IQCM: variants seen among roughly 807,000 people sequenced by gnomAD.
IQCM encodes the protein IQ domain-containing protein M.
IQCM carries 45 observed loss-of-function variants against 57.6 expected under a neutral mutation model. The observed-to-expected ratio is 0.78, with a 90% confidence interval of 0.62 to 1.00. The LOEUF (loss-of-function observed/expected upper bound fraction) is 1.00. IQCM is among the 50% of genes least tolerant of loss of function. The probability of loss-of-function intolerance (pLI) is 0.00; values close to 1 mark genes in which losing one functional copy is unlikely to be tolerated. For synonymous variants in IQCM, 148 were observed against 158.9 expected, an observed-to-expected ratio of 0.93 and a Z score of 0.51; for missense variants, 468 against 511.6, an observed-to-expected ratio of 0.91 and a Z score of 0.82.
Position 149,598,495 on chromosome 4 carries a change from C to A in IQCM, c.682-10498G>T, listed in dbSNP as rs553701597. 1.2e-4 allele frequency among the ~76,000 whole-genome samples: 18 copies of A among 152,104 alleles called. No homozygotes were observed. In the East Asian group the frequency reaches 3.3e-3, roughly 28 times the overall value. ...AAGAGAATTATTTTTATTTCTTCTT[C>A]TTGGGCAAATAACAAGTACAAAATG... On this transcript the variant is annotated intron_variant, in intron 8 of 13. Coordinates refer to ENST00000636793, the MANE Select transcript of IQCM (RefSeq NM_001363507.2).
intron 13 of IQCM, among the ~76,000 whole-genome samples, chr4:149,401,133 C>A (rs1732591154): frequency 6.6e-6 from 1 of 151,694 alleles, no homozygotes; most frequent in South Asian, 2.1e-4. Context: ...AAAAACCTTA[C>A]AACCAGGAGA....
chr4:149,630,564 A>T (rs1316505231), intron 7 of IQCM, among the ~76,000 whole-genome samples: 1 of 152,204 alleles, frequency 6.6e-6, no homozygotes, highest in African/African-American at 2.4e-5. Context: ...ACATAATTTG[A>T]TTTTTAAAAA....
At chr4:149,370,690 C>G (rs1730308757) in intron 13 of IQCM, among the ~76,000 whole-genome samples, 1 of 152,050 alleles carries the variant, frequency 6.6e-6, no homozygotes, top group Non-Finnish European at 1.5e-5. Context: ...GTGAACTGAC[C>G]ACCAAGTTGT....
At chr4:149,596,569 G>A (rs777688275) in intron 8 of IQCM, among the ~76,000 whole-genome samples, 4 of 152,090 alleles carry the variant, frequency 2.6e-5, no homozygotes, top group Non-Finnish European at 4.4e-5. Context: ...AAGGGCAGTA[G>A]ACTTAAGGCA....
chr4:149,749,701 A>T (rs1768255542), intron 2 of IQCM, among the ~76,000 whole-genome samples: 1 of 152,206 alleles, frequency 6.6e-6, no homozygotes, highest in South Asian at 2.1e-4. Flanking sequence ...TAAATCAGTT[A>T]CAATTTACTT....
chr4:149,586,694 A>AT (rs1561024281), intron 9 of IQCM, among the ~76,000 whole-genome samples: 1 of 151,590 alleles, frequency 6.6e-6, no homozygotes, highest in African/African-American at 2.4e-5. Flanking sequence ...TATAACTGTC[A>AT]TTTTTGGCAA....
intron 5 of IQCM, among the ~76,000 whole-genome samples, chr4:149,701,209 C>A (rs905733020): frequency 6.6e-6 from 1 of 152,070 alleles, no homozygotes; most frequent in Non-Finnish European, 1.5e-5. Context: ...GAGAAGGGAG[C>A]AGTCATTAGT....
intron 12 of IQCM, among the ~76,000 whole-genome samples, chr4:149,481,701 G>GTTTTTGTTTTTTGTTTTTTT (rs1740822174): frequency 1.4e-4 from 7 of 51,578 alleles, no homozygotes; most frequent in African/African-American, 5.3e-4. Flanking sequence ...TTCCAGTTTT[G>GTTTTTGTTTTTTGTTTTTTT]TTTTTTTTTT....
intron 13 of IQCM, among the ~76,000 whole-genome samples, chr4:149,412,915 A>G (rs1482361860): frequency 1.3e-5 from 2 of 152,160 alleles, no homozygotes; most frequent in African/African-American, 4.8e-5. Flanking sequence ...GCAAGGAGGT[A>G]GGAGAGTGGT....
chr4:149,548,193 A>G (rs1748650056), intron 12 of IQCM, among the ~76,000 whole-genome samples: 1 of 152,162 alleles, frequency 6.6e-6, no homozygotes, highest in Non-Finnish European at 1.5e-5. Context: ...AAAACTATAA[A>G]AATGAAAACC....
At chr4:149,679,939 A>T (rs1337521409) in intron 7 of IQCM, among the ~76,000 whole-genome samples, 4 of 151,446 alleles carry the variant, frequency 2.6e-5, no homozygotes, top group Admixed American at 2.6e-4. Context: ...CGAAAGACAC[A>T]AAGTGTGGAC....
intron 2 of IQCM, among the ~76,000 whole-genome samples, chr4:149,798,823 G>T (rs1467341915): frequency 6.6e-6 from 1 of 151,924 alleles, no homozygotes; most frequent in Non-Finnish European, 1.5e-5. Context: ...TTAGCATTTA[G>T]ATATAGAAAG....
chr4:149,783,686 A>C (rs1771819326), intron 2 of IQCM, among the ~76,000 whole-genome samples: 1 of 152,158 alleles, frequency 6.6e-6, no homozygotes, highest in Non-Finnish European at 1.5e-5. Context: ...GACTAGTATA[A>C]TGTTATCTCT....
chr4:149,526,860 G>C (rs1364527414), intron 12 of IQCM, among the ~76,000 whole-genome samples: 2 of 151,754 alleles, frequency 1.3e-5, no homozygotes, highest in Non-Finnish European at 2.9e-5. Flanking sequence ...TATATATTTT[G>C]CTTATTAATG....
At chr4:149,485,679 T>C (rs1461823010) in intron 12 of IQCM, among the ~76,000 whole-genome samples, 1 of 152,144 alleles carries the variant, frequency 6.6e-6, no homozygotes, top group Non-Finnish European at 1.5e-5. Context: ...TGAAAGGTCA[T>C]AGATCTCTGT....
At position 149,669,670 on chromosome 4, in the gene IQCM, G is replaced by C. The variant is rs1242763780; in HGVS notation, c.565+12448C>G. Among the ~76,000 whole-genome samples, 3 of 152,126 alleles carry C rather than the reference G, an allele frequency of 2.0e-5. No homozygotes were observed. The South Asian group carries it at 6.2e-4, about 32-fold the overall frequency. ...ATTTTTGTATAAGGTGTAAGGAAGG[G>C]ATCCAGTTTCAGCTTTCTACATATG... On this transcript the variant is annotated intron_variant, in intron 7 of 13. Transcript: ENST00000636793.
At chr4:149,469,131 C>T (rs549507021) in intron 12 of IQCM, among the ~76,000 whole-genome samples, 4 of 152,254 alleles carry the variant, frequency 2.6e-5, no homozygotes, top group South Asian at 2.1e-4. Context: ...ATGACTTCAA[C>T]GAGTTGAGAG....
chr4:149,461,356 G>C (rs1738270137), intron 12 of IQCM, among the ~76,000 whole-genome samples: 1 of 151,786 alleles, frequency 6.6e-6, no homozygotes, highest in South Asian at 2.1e-4. Flanking sequence ...ACAAGGTTAT[G>C]ATATCAATAA....
intron 8 of IQCM, among the ~76,000 whole-genome samples, chr4:149,613,740 C>T (rs917800414): frequency 2.6e-5 from 4 of 152,088 alleles, no homozygotes; most frequent in Non-Finnish European, 4.4e-5. Flanking sequence ...CCACAACAGG[C>T]CCCGGTGTGT....
Sources: allele counts gnomAD v4.1 joint callset (sites outside exome capture counted in the v4.1 genomes callset), GRCh38; gene constraint gnomAD v4.1.1; transcripts MANE v1.5; gene names NCBI Gene and HGNC (gene_info 2026-07-23, HGNC 2026-07-21).